The following MIS18A variants were observed in gnomAD, a reference collection of about 807,000 sequenced individuals.
The protein encoded by MIS18A is protein Mis18-alpha.
MIS18A carries 14 observed loss-of-function variants against 25.0 expected under a neutral mutation model. The ratio of observed to expected loss-of-function variants is 0.56; its 90% confidence interval spans 0.37 to 0.88. The LOEUF (loss-of-function observed/expected upper bound fraction) is 0.88, where lower values mean the gene tolerates loss of function less well. MIS18A is among the 40% of genes least tolerant of loss of function. MIS18A has a pLI of 0.00. For missense variants in MIS18A, 292 were observed against 290.8 expected, an observed-to-expected ratio of 1.00 and a Z score of -0.03; for synonymous variants, 134 against 118.6, an observed-to-expected ratio of 1.13 and a Z score of -0.84.
the MIS18A span, among the ~76,000 whole-genome samples, chr21:32,233,530 A>T: frequency 6.6e-6 from 1 of 152,218 alleles, no homozygotes; most frequent in Non-Finnish European, 1.5e-5. Flanking sequence ...AGAATAAAGT[A>T]CGTAGCAGCC....
chr21:32,269,138 AAAAAT>A (rs1307387479), intron 4 of MIS18A, 21 bp from the exon 5 acceptor site: 52 of 1,497,332 alleles, frequency 3.5e-5, no homozygotes, highest in Non-Finnish European at 4.6e-5. Context: ...TAAAAAATAA[AAAAAT>A]AAAGAAACAC....
chr21:32,171,639 T>C, the MIS18A span, among the ~76,000 whole-genome samples: 17 of 152,036 alleles, frequency 1.1e-4, no homozygotes, highest in African/African-American at 4.1e-4. Context: ...CTGAATACTG[T>C]AGGCAATTTT....
chr21:32,206,818 G>A, the MIS18A span, among the ~76,000 whole-genome samples: 1 of 152,092 alleles, frequency 6.6e-6, no homozygotes, highest in Non-Finnish European at 1.5e-5. Flanking sequence ...ACAATGCCCA[G>A]CCACACTGCG....
At chr21:32,265,528 G>C (rs537089592), downstream of MIS18A, among the ~76,000 whole-genome samples, 1 of 152,234 alleles carries the variant, frequency 6.6e-6, no homozygotes, top group South Asian at 2.1e-4. Flanking sequence ...GCCCACCGGC[G>C]CTGTGCTGGA....
At chr21:32,207,674 T>C in the MIS18A span, among the ~76,000 whole-genome samples, 4 of 152,162 alleles carry the variant, frequency 2.6e-5, no homozygotes, top group African/African-American at 9.6e-5. Flanking sequence ...TTTTGGTTTC[T>C]TCTTTTCTTT....
chr21:32,272,075 T>C (rs1489910606), intron 2 of MIS18A, among the ~76,000 whole-genome samples: 1 of 152,210 alleles, frequency 6.6e-6, no homozygotes, highest in Non-Finnish European at 1.5e-5. Flanking sequence ...AATGAAGAGA[T>C]GGTAGCTAGT....
chr21:32,157,811 T>C, the MIS18A span, among the ~76,000 whole-genome samples: 109 of 152,320 alleles, frequency 7.2e-4, no homozygotes, highest in African/African-American at 2.6e-3. Context: ...TGATACTATG[T>C]TTATAAAATT....
the MIS18A span, among the ~76,000 whole-genome samples, chr21:32,219,423 G>A: frequency 6.6e-6 from 1 of 152,182 alleles, no homozygotes; most frequent in Non-Finnish European, 1.5e-5. Context: ...GGACTGTGCT[G>A]TGAGAGATGG....
the MIS18A span, among the ~76,000 whole-genome samples, chr21:32,171,414 AATACTT>A: frequency 1.3e-5 from 2 of 152,058 alleles, no homozygotes; most frequent in African/African-American, 2.4e-5. Context: ...AAAAGAATAA[AATACTT>A]AGAAACAAAT....
At chr21:32,263,597 T>C (rs1405821992), downstream of MIS18A, among the ~76,000 whole-genome samples, 2 of 152,110 alleles carry the variant, frequency 1.3e-5, no homozygotes, top group African/African-American at 2.4e-5. Flanking sequence ...TGAGACTTTG[T>C]CCCAAAATAA....
chr21:32,187,339 C>T, the MIS18A span, among the ~76,000 whole-genome samples: 1 of 152,094 alleles, frequency 6.6e-6, no homozygotes, highest in Non-Finnish European at 1.5e-5. Context: ...AATTCAAGGG[C>T]CAGGAGGGTG....
the MIS18A span, among the ~76,000 whole-genome samples, chr21:32,203,871 A>T: frequency 1.3e-5 from 2 of 152,006 alleles, no homozygotes; most frequent in African/African-American, 4.8e-5. Context: ...TGCTGACCTC[A>T]GCCTCCCAAA....
the MIS18A span, among the ~76,000 whole-genome samples, chr21:32,235,717 G>A: frequency 6.6e-6 from 1 of 152,176 alleles, no homozygotes; most frequent in African/African-American, 2.4e-5. Flanking sequence ...GTTCTCTGTG[G>A]AGACACCGCG....
chr21:32,269,482 AT>A, intron 4 of MIS18A: 1 of 495,878 alleles, frequency 2.0e-6, no homozygotes, highest in Non-Finnish European at 3.6e-6. Context: ...GTGTTTTAAT[AT>A]ATAGTTTTGA....
At chr21:32,210,790 T>C in the MIS18A span, among the ~76,000 whole-genome samples, 1 of 152,246 alleles carries the variant, frequency 6.6e-6, no homozygotes, top group East Asian at 1.9e-4. Context: ...CCTATAAAGG[T>C]GACTTTTAAA....
chr21:32,249,736 T>A, the MIS18A span, among the ~76,000 whole-genome samples: 2 of 152,100 alleles, frequency 1.3e-5, no homozygotes, highest in African/African-American at 2.4e-5. Context: ...GAGGGAGCTC[T>A]TTTAAACAAC....
At chr21:32,190,361 G>A in the MIS18A span, among the ~76,000 whole-genome samples, 249 of 152,300 alleles carry the variant, frequency 1.6e-3, no homozygotes, top group African/African-American at 5.8e-3. Context: ...GATGCTCGAT[G>A]ATTAGATGGT....
At chr21:32,240,275 T>C in the MIS18A span, among the ~76,000 whole-genome samples, 1 of 152,258 alleles carries the variant, frequency 6.6e-6, no homozygotes, top group African/African-American at 2.4e-5. Context: ...GGACAGGTGA[T>C]TAGGTCACGA....
At chr21:32,161,693 T>C in the MIS18A span, among the ~76,000 whole-genome samples, 1 of 146,880 alleles carries the variant, frequency 6.8e-6, no homozygotes, top group Non-Finnish European at 1.5e-5. Context: ...GATTTCACCA[T>C]GTTGCCCAGG....
Sources: gnomAD v4.1 joint callset for allele counts (sites outside exome capture counted in the v4.1 genomes callset) on GRCh38, gnomAD v4.1.1 for gene constraint, MANE v1.5 for transcripts, NCBI Gene and HGNC (gene_info 2026-07-23, HGNC 2026-07-21) for gene names.